Variants in GRM8 observed in about 807,000 individuals in gnomAD.
GRM8 encodes metabotropic glutamate receptor 8.
Under a neutral mutation model 87.2 loss-of-function variants are expected in GRM8, and 47 were observed. The ratio of observed to expected loss-of-function variants is 0.54; its 90% CI spans 0.43 to 0.69. The LOEUF (loss-of-function observed/expected upper bound fraction) is 0.69, where lower values mean the gene tolerates loss of function less well. GRM8 is among the 30% of genes least tolerant of loss of function. The probability of loss-of-function intolerance (pLI) is 0.00; values close to 1 mark genes in which losing one functional copy is unlikely to be tolerated. For missense variants in GRM8, 1,019 were observed against 1,139.2 expected (o/e 0.89, Z 1.52); for synonymous variants, 396 against 404.5 (o/e 0.98, Z 0.25).
chr7:126,659,422 AC>A (rs1466400580), intron 7 of GRM8, among the ~76,000 whole-genome samples: 3 of 152,204 alleles, frequency 2.0e-5, no homozygotes, highest in Non-Finnish European at 2.9e-5. Flanking sequence ...CACTATACAT[AC>A]ATATTTTTTT....
intron 3 of GRM8, among the ~76,000 whole-genome samples, chr7:126,946,326 AC>A (rs201841734): frequency 5.3e-5 from 8 of 151,922 alleles, no homozygotes; most frequent in African/African-American, 1.9e-4. Context: ...ACATAGTGAG[AC>A]CCCCCCATCT....
intron 7 of GRM8, among the ~76,000 whole-genome samples, chr7:126,691,052 C>T (rs1808755781): frequency 1.3e-5 from 2 of 152,220 alleles, no homozygotes; most frequent in Non-Finnish European, 1.5e-5. Flanking sequence ...TGCCCCTTTC[C>T]ACCCAGGAGC....
At chr7:126,655,497 C>T (rs1332955349) in intron 7 of GRM8, among the ~76,000 whole-genome samples, 2 of 146,904 alleles carry the variant, frequency 1.4e-5, no homozygotes, top group Non-Finnish European at 3.0e-5. Context: ...CTCTCTGTTG[C>T]TGTCTCTCTC....
chr7:126,472,766 A>G (rs760862292), intron 9 of GRM8, among the ~76,000 whole-genome samples: 23 of 152,070 alleles, frequency 1.5e-4, no homozygotes, highest in Admixed American at 3.3e-4. Flanking sequence ...GGGTGGAAAA[A>G]TGGTTTCCTG....
At chr7:127,101,303 C>A (rs1368079090) in intron 3 of GRM8, among the ~76,000 whole-genome samples, 1 of 152,208 alleles carries the variant, frequency 6.6e-6, no homozygotes, top group East Asian at 1.9e-4. Context: ...ATAGTACAAC[C>A]TTAAATATAC....
At chr7:126,829,894 C>A (rs577460266) in intron 6 of GRM8, among the ~76,000 whole-genome samples, 1 of 151,842 alleles carries the variant, frequency 6.6e-6, no homozygotes, top group East Asian at 1.9e-4. Context: ...TTAGGGCAGG[C>A]CTGGTGGTGA....
chr7:126,803,309 G>A (rs1177854775), intron 6 of GRM8, among the ~76,000 whole-genome samples: 2 of 152,180 alleles, frequency 1.3e-5, no homozygotes, highest in Admixed American at 1.3e-4. Context: ...TGTGGGCACA[G>A]ACTGCGGGTA....
intron 6 of GRM8, among the ~76,000 whole-genome samples, chr7:126,798,065 G>A (rs1370009710): frequency 1.3e-5 from 2 of 152,052 alleles, no homozygotes; most frequent in Non-Finnish European, 2.9e-5. Flanking sequence ...TCTGAATTCT[G>A]CACTAAAGAA....
intron 7 of GRM8, among the ~76,000 whole-genome samples, chr7:126,644,262 C>G (rs1175340170): frequency 6.6e-6 from 1 of 152,186 alleles, no homozygotes; most frequent in Non-Finnish European, 1.5e-5. Context: ...CTCATGTCAA[C>G]AGCGGCCTCA....
At chr7:127,246,495 C>T (rs945034357) in intron 1 of GRM8, among the ~76,000 whole-genome samples, 2 of 152,194 alleles carry the variant, frequency 1.3e-5, no homozygotes, top group Admixed American at 6.5e-5. Flanking sequence ...GACAAATCCT[C>T]TCAGCACTAT....
chr7:127,194,033 G>C (rs1239901691), intron 2 of GRM8, among the ~76,000 whole-genome samples: 1 of 152,178 alleles, frequency 6.6e-6, no homozygotes, highest in Non-Finnish European at 1.5e-5. Flanking sequence ...AGAGAAGCAA[G>C]ACCCTCATTT....
At chr7:126,605,074 C>T (rs1018011535) in intron 8 of GRM8, among the ~76,000 whole-genome samples, 1 of 151,600 alleles carries the variant, frequency 6.6e-6, no homozygotes, top group African/African-American at 2.4e-5. Flanking sequence ...TTGGAAAAAG[C>T]ATTAAAAAAA....
chr7:126,853,883 T>C (rs1797448414), intron 6 of GRM8, among the ~76,000 whole-genome samples: 1 of 152,190 alleles, frequency 6.6e-6, no homozygotes, highest in African/African-American at 2.4e-5. Flanking sequence ...CTTTTCACTA[T>C]GCAGTAAAAA....
intron 3 of GRM8, among the ~76,000 whole-genome samples, chr7:126,937,482 A>C (rs1806458247): frequency 6.6e-6 from 1 of 152,202 alleles, no homozygotes; most frequent in African/African-American, 2.4e-5. Context: ...ACCAGTAGAA[A>C]GCAAGCTGTA....
chr7:127,241,941 C>T (rs1798329619), intron 2 of GRM8, among the ~76,000 whole-genome samples: 1 of 152,218 alleles, frequency 6.6e-6, no homozygotes, highest in East Asian at 1.9e-4. Context: ...ATTTTTACTG[C>T]ACTTTATACT....
At chr7:126,497,674 C>T (rs1346074062) in intron 9 of GRM8, among the ~76,000 whole-genome samples, 1 of 151,946 alleles carries the variant, frequency 6.6e-6, no homozygotes, top group East Asian at 1.9e-4. Context: ...TTTTTATCCC[C>T]TATGAATACA....
At chr7:126,806,715 C>A (rs543820682) in intron 6 of GRM8, among the ~76,000 whole-genome samples, 2 of 152,242 alleles carry the variant, frequency 1.3e-5, no homozygotes, top group Admixed American at 6.5e-5. Context: ...CGGGACTTTG[C>A]GGCACCTAGC....
intron 7 of GRM8, among the ~76,000 whole-genome samples, chr7:126,762,834 A>G (rs1368767918): frequency 6.6e-6 from 1 of 151,952 alleles, no homozygotes; most frequent in African/African-American, 2.4e-5. Flanking sequence ...AGAATTTGAT[A>G]TGTACCAAGC....
intron 4 of GRM8, 53 bp downstream of exon 4, chr7:126,904,495 G>A (rs1802477170): frequency 6.6e-7 from 1 of 1,518,718 alleles, no homozygotes; most frequent in Non-Finnish European, 9.1e-7. Flanking sequence ...ATGTTAGAAA[G>A]AGGATATGGG....
Sources: allele counts gnomAD v4.1 joint callset (sites outside exome capture counted in the v4.1 genomes callset), GRCh38; gene constraint gnomAD v4.1.1; transcripts MANE v1.5; gene names NCBI Gene and HGNC (gene_info 2026-07-23, HGNC 2026-07-21).